Variants in SLC22A2 observed in about 807,000 individuals in gnomAD.
The protein encoded by SLC22A2 is organic cation transporter 2.
SLC22A2 carries 46 observed loss-of-function variants against 60.5 expected under a neutral mutation model. The observed-to-expected ratio is 0.76, with a 90% CI of 0.60 to 0.97. The LOEUF is 0.97. Among genes scored for constraint, SLC22A2 ranks in the 50% least tolerant of loss-of-function variants. The pLI is 0.00. For synonymous variants in SLC22A2, 303 were observed against 267.0 expected (o/e 1.13, Z -1.31); for missense variants, 701 against 706.6 (o/e 0.99, Z 0.09).
intron 4 of SLC22A2, among the ~76,000 whole-genome samples, chr6:160,247,822 CTG>C (rs1467622278): frequency 6.6e-6 from 1 of 152,166 alleles, no homozygotes; most frequent in Non-Finnish European, 1.5e-5. Flanking sequence ...ACTATTGACT[CTG>C]TGTCTGGAGG....
At chr6:160,256,592 C>A in intron 2 of SLC22A2, 22 bp downstream of exon 2, 1 of 1,534,768 alleles carries the variant, frequency 6.5e-7, no homozygotes, top group Non-Finnish European at 9.0e-7. Context: ...GTTTAAATTC[C>A]ACCACAGGTG....
At chr6:160,238,786 G>A (rs1782952723) in intron 9 of SLC22A2, among the ~76,000 whole-genome samples, 1 of 152,178 alleles carries the variant, frequency 6.6e-6, no homozygotes, top group Admixed American at 6.5e-5. Flanking sequence ...TTGAAATGTA[G>A]TTATAATCCT....
rs1783316322 is a variant in SLC22A2 at position 160,258,514 on chromosome 6, C to T, written c.244G>A (p.Gly82Ser). 2 of 1,614,142 alleles carry T rather than the reference C, an allele frequency of 1.2e-6. No homozygotes were observed. The highest frequency in any genetic ancestry group is 1.1e-5 in the South Asian group (1 of 91,080). ...NYTVPGPGPA[G>S]EASPRQCRRY... is the part of the protein sequence containing the mutation. Reference sequence around the variant, plus strand: ...CTACACTGTCTTGGGGAGGCTTCGCCCGCAGGTCCTGGGCCCGGCACCGTG... The same window carrying T: ...CTACACTGTCTTGGGGAGGCTTCGCTCGCAGGTCCTGGGCCCGGCACCGTG... The change falls in exon 1 of 11, where the codon GGC becomes AGC. Residue 82 changes from glycine to serine, a missense_variant. Transcript: ENST00000366953.
In SLC22A2 at chr6:160,230,643, T is replaced by C. The variant is rs139769120; in HGVS notation, c.1502-5839A>G. 8.6e-3 allele frequency among the ~76,000 whole-genome samples: 1,315 copies of C among 152,068 alleles called. 53 individuals carry two copies. Among genetic ancestry groups the C allele is most frequent in the African/African-American group, 0.03 (1,251 of 41,328 alleles). On this transcript the variant is annotated intron_variant, in intron 9 of 10. Coordinates refer to ENST00000366953, the MANE Select transcript of SLC22A2 (RefSeq NM_003058.4). ...GCCAAGTAGCAATGTATTTCTGAAT[T>C]GCAATTCCTTGCCTCCACTGTGAGA...
chr6:160,238,772 A>G (rs1562434475), intron 9 of SLC22A2, among the ~76,000 whole-genome samples: 1 of 152,230 alleles, frequency 6.6e-6, no homozygotes. Flanking sequence ...GTTTACTTTA[A>G]ATATTGAAAT....
chr6:160,224,929 T>C, intron 9 of SLC22A2, 125 bp from the exon 10 acceptor site: 1 of 487,718 alleles, frequency 2.1e-6, no homozygotes. Flanking sequence ...ACAGATTCCT[T>C]TGCCATCTCT....
rs1562437700 is a variant in SLC22A2, at chr6:160,249,213, T to TA, written c.842+2dup. On this transcript the variant is annotated splice_region_variant and intron_variant, in intron 4 of 10. Transcript: ENST00000366953. ...ATTTCCTTTTTATTCCAAATGGACT[T>TA]ACCAGTAATAGAGCAAGAAGAAGAA... 1 of 1,577,726 alleles carries TA rather than the reference T, an allele frequency of 6.3e-7. No homozygotes were observed. The highest frequency in any genetic ancestry group is 8.6e-7 in the Non-Finnish European group (1 of 1,160,938).
In SLC22A2 at chr6:160,249,182, T is replaced by G. The variant is rs765151238; in HGVS notation, c.842+34A>C. Reference sequence around the variant, plus strand: ...GACTTCTTAGCAGAATAAAATACTTTGATTTATTTCCTTTTTATTCCAAAT... The same window carrying G: ...GACTTCTTAGCAGAATAAAATACTTGGATTTATTTCCTTTTTATTCCAAAT... On this transcript the variant is annotated intron_variant, in intron 4 of 10. Coordinates refer to ENST00000366953, the MANE Select transcript of SLC22A2 (RefSeq NM_003058.4). 5 of 1,461,496 alleles carry G rather than the reference T, an allele frequency of 3.4e-6. No homozygotes were observed. In the South Asian group the frequency reaches 6.1e-5, roughly 18 times the overall value. 90.5% of individuals were successfully genotyped at this position (1,461,496 alleles called of 1,614,324 possible).
chr6:160,253,004 G>A (rs577811731), intron 2 of SLC22A2, among the ~76,000 whole-genome samples: 114 of 152,278 alleles, frequency 7.5e-4, no homozygotes, highest in African/African-American at 2.3e-3. Context: ...GCAACCCACT[G>A]GGACTTTAGT....
rs141598431 is a variant in SLC22A2, at chr6:160,238,880, G to A, written c.1501+2594C>T. Among the ~76,000 whole-genome samples the A allele has an allele frequency of 1.3e-4, 20 of 152,276 alleles. No homozygotes were observed. In the East Asian group the frequency reaches 3.9e-3, roughly 29 times the overall value. On this transcript the variant is annotated intron_variant, in intron 9 of 10. Coordinates refer to ENST00000366953, the MANE Select transcript of SLC22A2 (RefSeq NM_003058.4). ...TAAATAGTACTTAGAGAAACATGAA[G>A]TTGTCAAAGTTGTTTGAACCAGAGT...
Position 160,258,365 on chromosome 6 carries a change from A to G in SLC22A2, c.393T>C (p.Pro131=), listed in dbSNP as rs1465858138. Residue 131 remains proline (P), a synonymous_variant, in exon 1 of 11, where the codon CCT becomes CCC. Transcript: ENST00000366953. ...PCRDGWVYET[P]GSSIVTEFNL... ...TTACCTCGGTGACGATGGACGAGCC[A>G]GGCGTCTCGTACACCCAGCCGTCCC... is the stretch of plus-strand genomic sequence containing the variant. 2.5e-6 allele frequency: 4 copies of G among 1,611,842 alleles called. No individual in the cohort carries two copies. In the Admixed American group the frequency reaches 6.7e-5, roughly 27 times the overall value.
At chr6:160,240,413 A>C (rs1435987944) in intron 9 of SLC22A2, among the ~76,000 whole-genome samples, 1 of 152,204 alleles carries the variant, frequency 6.6e-6, no homozygotes, top group Non-Finnish European at 1.5e-5. Context: ...GCTTGCAATC[A>C]ACATTATCAG....
chr6:160,222,648 G>A (rs907583848), intron 10 of SLC22A2, among the ~76,000 whole-genome samples: 4 of 152,154 alleles, frequency 2.6e-5, no homozygotes, highest in African/African-American at 9.7e-5. Flanking sequence ...GGTACGGGGT[G>A]GGAGGTGGTT....
At chr6:160,227,411 C>A (rs577121077) in intron 9 of SLC22A2, among the ~76,000 whole-genome samples, 1 of 152,314 alleles carries the variant, frequency 6.6e-6, no homozygotes, top group African/African-American at 2.4e-5. Context: ...GACCTGGAAG[C>A]CCCTGCTTTG....
intron 5 of SLC22A2, among the ~76,000 whole-genome samples, chr6:160,246,025 GC>G (rs200650218): frequency 0.044 from 6,712 of 151,914 alleles, 289 homozygotes; most frequent in East Asian, 0.18. Context: ...CCGCCACCAT[GC>G]CCAGCTAATT....
chr6:160,242,244 A>G, intron 8 of SLC22A2, 50 bp downstream of exon 8: 1 of 986,232 alleles, frequency 1.0e-6, no homozygotes, highest in Non-Finnish European at 1.6e-6. Flanking sequence ...GTTCCAGCCA[A>G]TGAACAAATG....
At chr6:160,256,553 A>C in intron 2 of SLC22A2, 61 bp downstream of exon 2, 1 of 1,133,696 alleles carries the variant, frequency 8.8e-7, no homozygotes, top group South Asian at 1.2e-5. Context: ...GGGCAGGTGC[A>C]TCCAAGTGTT....
chr6:160,257,620 C>T (rs1055058186), intron 1 of SLC22A2: 1 of 152,164 alleles, frequency 6.6e-6, no homozygotes, highest in African/African-American at 2.4e-5. Flanking sequence ...TCTGTTCACA[C>T]AGAATATCTT....
chr6:160,241,203 A>G (rs961733743), intron 9 of SLC22A2, among the ~76,000 whole-genome samples: 3 of 152,118 alleles, frequency 2.0e-5, no homozygotes, highest in African/African-American at 4.8e-5. Context: ...TTCTGCCTCT[A>G]TGGCAGGAGT....
Sources: allele counts gnomAD v4.1 joint callset (sites outside exome capture counted in the v4.1 genomes callset), GRCh38; gene constraint gnomAD v4.1.1; transcripts MANE v1.5; gene names NCBI Gene and HGNC (gene_info 2026-07-23, HGNC 2026-07-21).